Variants in UEVLD observed in about 807,000 individuals in gnomAD.
The protein encoded by UEVLD is ubiquitin-conjugating enzyme E2 variant 3.
A neutral mutation model predicts 58.6 loss-of-function variants in UEVLD; 47 were observed. The observed-to-expected ratio is 0.80, with a 90% CI of 0.63 to 1.02. The LOEUF is 1.02. Ranked by LOEUF, UEVLD falls within the 50% of genes least tolerant of loss-of-function variation. The pLI is 0.00. For missense variants in UEVLD, 510 were observed against 550.6 expected (o/e 0.93, Z 0.74); for synonymous variants, 197 against 195.3 (o/e 1.01, Z -0.07).
chr11:18,553,154 C>CAAAAAAA (rs34297128), intron 7 of UEVLD, among the ~76,000 whole-genome samples: 1 of 81,578 alleles, frequency 1.2e-5, no homozygotes, highest in South Asian at 4.5e-4. Context: ...GGTTCCGTCT[C>CAAAAAAA]AAAAAAAAAA....
chr11:18,574,452 C>T (rs1228904455), intron 3 of UEVLD, among the ~76,000 whole-genome samples: 1 of 152,112 alleles, frequency 6.6e-6, no homozygotes, highest in African/African-American at 2.4e-5. Context: ...CAGTGAATTT[C>T]TAATGGTGAA....
At chr11:18,584,549 C>A (rs1853440131) in intron 1 of UEVLD, among the ~76,000 whole-genome samples, 1 of 152,196 alleles carries the variant, frequency 6.6e-6, no homozygotes, top group Non-Finnish European at 1.5e-5. Flanking sequence ...TGGCTACTAA[C>A]AATTGAAATG....
chr11:18,545,048 A>G (rs1565113371), intron 8 of UEVLD, among the ~76,000 whole-genome samples: 2 of 14,840 alleles, frequency 1.3e-4, no homozygotes, highest in Admixed American at 8.4e-4. Context: ...ATATCTATCT[A>G]TATCTATATC....
At chr11:18,539,145 G>A (rs930522765) in intron 9 of UEVLD, 1 of 146,324 alleles carries the variant, frequency 6.8e-6, no homozygotes, top group East Asian at 2.1e-4. Flanking sequence ...GTGCAATCTC[G>A]GCTCACTGCA....
rs1852852215 is a variant in UEVLD at position 18,575,418 on chromosome 11, A to AG, written c.128-7dup. ...CTGAGAACTATCTTTAAAAACTAGA[A>AG]GAAAAAAAAAAAAGCCCCAAAATGT... On this transcript the variant is annotated splice_polypyrimidine_tract_variant and splice_region_variant and intron_variant, in intron 2 of 11. Coordinates refer to ENST00000396197, the MANE Select transcript of UEVLD (RefSeq NM_001040697.4). 5.0e-6 allele frequency: 8 copies of AG among 1,588,008 alleles called. No individual in the cohort carries two copies. The highest frequency in any genetic ancestry group is 6.8e-6 in the Non-Finnish European group (8 of 1,173,204).
chr11:18,563,433 A>T (rs1412595131), intron 6 of UEVLD, among the ~76,000 whole-genome samples: 1 of 151,952 alleles, frequency 6.6e-6, no homozygotes, highest in African/African-American at 2.4e-5. Context: ...TCTACAAAAA[A>T]ATACAAGAAT....
chr11:18,566,505 A>G (rs1040934727), intron 4 of UEVLD, 23 bp from the exon 5 acceptor site: 5 of 1,608,376 alleles, frequency 3.1e-6, no homozygotes, highest in Non-Finnish European at 4.2e-6. Context: ...CAAAAAACAG[A>G]AAAGTTACAC....
Position 18,568,120 on chromosome 11 carries a change from G to A in UEVLD, c.358-1638C>T, listed in dbSNP as rs144841027. Among the ~76,000 whole-genome samples the A allele has an allele frequency of 2.4e-4, 37 of 152,284 alleles. No homozygotes were observed. In the East Asian group the frequency reaches 6.6e-3, roughly 27 times the overall value. On this transcript the variant is annotated intron_variant, in intron 4 of 11. Coordinates refer to ENST00000396197, the MANE Select transcript of UEVLD (RefSeq NM_001040697.4). ...TGATTGTGCTACTGCACTCCAGCACGGGTGAAGACAGCATTACCCTGTCTC... is the reference window on the plus strand; with the variant it reads ...TGATTGTGCTACTGCACTCCAGCACAGGTGAAGACAGCATTACCCTGTCTC...
chr11:18,546,575 T>C (rs1851311265), intron 8 of UEVLD, among the ~76,000 whole-genome samples: 1 of 151,810 alleles, frequency 6.6e-6, no homozygotes, highest in Non-Finnish European at 1.5e-5. Context: ...TTGGCCTCAC[T>C]GCAACCACCA....
At chr11:18,536,524 T>A (rs1309739823) in intron 9 of UEVLD, 55 bp from the exon 10 acceptor site, 2 of 1,432,604 alleles carry the variant, frequency 1.4e-6, no homozygotes, top group African/African-American at 1.4e-5. Flanking sequence ...TGGATTAAGA[T>A]GTGATAACAG....
chr11:18,575,206 C>T lies in UEVLD; in HGVS notation c.193+141G>A, dbSNP rs937777253. ...TGACATTAATACAGGCCTTCCTTGA[C>T]TGGAACAGATCCAGTAAGGTTCTGT... On this transcript the variant is annotated intron_variant, in intron 3 of 11. Coordinates refer to ENST00000396197, the MANE Select transcript of UEVLD (RefSeq NM_001040697.4). 1.2e-5 allele frequency: 10 copies of T among 823,046 alleles called. No homozygotes were observed. In the African/African-American group the frequency reaches 1.4e-4, roughly 11 times the overall value. The allele number at this position is 823,046 out of a possible 1,614,324, so 51.0% of individuals were successfully genotyped here. A position where few individuals can be genotyped will look rare whatever the true frequency, so the allele number is the denominator to read the frequency against.
At position 18,534,332 on chromosome 11, in the gene UEVLD, T is replaced by C. The variant is rs775498028; in HGVS notation, c.1246A>G (p.Lys416Glu). ...KKVHSVSALA[K>E]GYYDINSEVF... The stretch of plus-strand genomic sequence containing the variant: ...AAGAGAATAAGAATAGCAATTACCT[T>C]TGCTAAAGCTGATACAGAATGCACT... Residue 416 changes from lysine to glutamate, a missense_variant and splice_region_variant, in exon 11 of 12, where the codon AAG becomes GAG. Coordinates refer to ENST00000396197, the MANE Select transcript of UEVLD (RefSeq NM_001040697.4). 2 of 1,523,080 alleles carry C rather than the reference T, an allele frequency of 1.3e-6. No homozygotes were observed. The highest frequency in any genetic ancestry group is 5.1e-5 in the East Asian group (2 of 39,292). The allele number at this position is 1,523,080 out of a possible 1,614,324, so 94.3% of individuals were successfully genotyped here. A position where few individuals can be genotyped will look rare whatever the true frequency, so the allele number is the denominator to read the frequency against.
chr11:18,558,238 C>T lies in UEVLD; in HGVS notation c.705G>A (p.Glu235=). ...DLEIFNLPNV[E]ISKDLSASAH... is the part of the protein sequence containing the mutation. ...GCAGAATAAACAGACCTTTGCTGAT[C>T]TCCACATTAGGAAGGTTGAAGATTT... The change falls in exon 7 of 12, where the codon GAG becomes GAA. Residue 235 remains glutamate, a synonymous_variant. Transcript: ENST00000396197. 1 of 1,611,838 alleles carries T rather than the reference C, an allele frequency of 6.2e-7. No individual in the cohort carries two copies.
chr11:18,579,807 G>C (rs941269413), intron 1 of UEVLD, among the ~76,000 whole-genome samples: 1 of 152,110 alleles, frequency 6.6e-6, no homozygotes, highest in African/African-American at 2.4e-5. Context: ...AAATGGATTT[G>C]AGACAACAAT....
At chr11:18,558,073 G>A (rs1851837683) in intron 7 of UEVLD, among the ~76,000 whole-genome samples, 155 bp downstream of exon 7, 1 of 152,116 alleles carries the variant, frequency 6.6e-6, no homozygotes, top group African/African-American at 2.4e-5. Flanking sequence ...TGACTCTTTG[G>A]GTAAGTCATT....
intron 3 of UEVLD, among the ~76,000 whole-genome samples, chr11:18,574,971 T>C (rs568832701): frequency 6.6e-6 from 1 of 152,230 alleles, no homozygotes; most frequent in South Asian, 2.1e-4. Flanking sequence ...TTCAGAGTAG[T>C]GGTAGTAGGG....
intron 3 of UEVLD, 151 bp from the exon 4 acceptor site, chr11:18,570,528 A>C: frequency 1.6e-6 from 1 of 639,540 alleles, no homozygotes; most frequent in South Asian, 2.8e-5. Flanking sequence ...AGCAGATTGC[A>C]TGAGCCCAGG....
chr11:18,538,959 G>A (rs1850935113), intron 9 of UEVLD: 1 of 151,780 alleles, frequency 6.6e-6, no homozygotes, highest in Admixed American at 6.6e-5. Flanking sequence ...GAACCCAGGA[G>A]GCGGAGGTTG....
intron 9 of UEVLD, chr11:18,536,729 CA>C: frequency 2.5e-6 from 1 of 399,644 alleles, no homozygotes. Context: ...TCATCAGTAA[CA>C]GTTCTGCAAG....
Sources: allele counts gnomAD v4.1 joint callset (sites outside exome capture counted in the v4.1 genomes callset), GRCh38; gene constraint gnomAD v4.1.1; transcripts MANE v1.5; gene names NCBI Gene and HGNC (gene_info 2026-07-23, HGNC 2026-07-21).